The following BBX variants were observed in gnomAD, a reference collection of about 807,000 sequenced individuals.
BBX encodes BBX high mobility group box domain containing, also known as HMG box transcription factor BBX.
A neutral mutation model predicts 100.2 loss-of-function variants in BBX; 30 were observed. The observed-to-expected ratio is 0.30, with a 90% CI of 0.22 to 0.41. BBX has a LOEUF of 0.41. Among genes scored for constraint, BBX ranks in the 10% least tolerant of loss-of-function variants. BBX has a pLI of 1.00. For missense variants in BBX, 1,023 were observed against 1,129.8 expected (o/e 0.91, Z 1.35); for synonymous variants, 376 against 388.1 (o/e 0.97, Z 0.37).
chr3:107,782,017 T>C (rs1167938547), intron 13 of BBX, among the ~76,000 whole-genome samples: 1 of 152,136 alleles, frequency 6.6e-6, no homozygotes, highest in Non-Finnish European at 1.5e-5. Flanking sequence ...TATTAGGAAA[T>C]TTTAGCTTCC....
At chr3:107,667,081 C>G (rs2058791476) in intron 3 of BBX, among the ~76,000 whole-genome samples, 1 of 152,192 alleles carries the variant, frequency 6.6e-6, no homozygotes, top group Non-Finnish European at 1.5e-5. Context: ...TTCAGAGAAG[C>G]AGTTAATACC....
intron 1 of BBX, 121 bp from the exon 2 acceptor site, chr3:107,526,206 T>G (rs1576165832): frequency 2.5e-6 from 1 of 395,642 alleles, no homozygotes; most frequent in Non-Finnish European, 4.4e-6. Context: ...AGGGGAGGGG[T>G]TAGTGGGAGC....
chr3:107,627,963 A>G (rs1576067860), intron 2 of BBX, among the ~76,000 whole-genome samples: 1 of 152,176 alleles, frequency 6.6e-6, no homozygotes, highest in South Asian at 2.1e-4. Flanking sequence ...GAACTATAAT[A>G]CTGGAAAATG....
rs532338976 is a variant in BBX at position 107,678,789 on chromosome 3, A to G, written c.-9-31663A>G. On this transcript the variant is annotated intron_variant, in intron 3 of 17. Coordinates refer to ENST00000325805, the MANE Select transcript of BBX (RefSeq NM_001142568.3). ...AAGTTGACTTGAATGTTTATAGTCC[A>G]TGATTAATTATGATGATAATGATAG... 3.9e-5 allele frequency among the ~76,000 whole-genome samples: 6 copies of G among 152,298 alleles called. No homozygotes were observed. The East Asian group carries it at 1.2e-3, about 29-fold the overall frequency.
chr3:107,723,842 G>C (rs1224911689), intron 5 of BBX, among the ~76,000 whole-genome samples: 2 of 152,084 alleles, frequency 1.3e-5, no homozygotes, highest in African/African-American at 4.8e-5. Flanking sequence ...CCAAGTCTTT[G>C]CTATTGTGAG....
intron 3 of BBX, among the ~76,000 whole-genome samples, chr3:107,663,340 T>G (rs1414350876): frequency 6.6e-6 from 1 of 152,176 alleles, no homozygotes; most frequent in African/African-American, 2.4e-5. Flanking sequence ...TGATAATTTT[T>G]TTTGCTACCC....
At chr3:107,583,970 A>T (rs2052496608) in intron 2 of BBX, among the ~76,000 whole-genome samples, 1 of 89,288 alleles carries the variant, frequency 1.1e-5, no homozygotes, top group South Asian at 2.5e-4. Flanking sequence ...TATATTATAT[A>T]TATTATTATA....
chr3:107,539,771 G>T (rs1401281377), intron 2 of BBX, among the ~76,000 whole-genome samples: 1 of 152,148 alleles, frequency 6.6e-6, no homozygotes, highest in Non-Finnish European at 1.5e-5. Context: ...ATATTTTCCT[G>T]TCACTCACTC....
intron 3 of BBX, among the ~76,000 whole-genome samples, chr3:107,708,636 T>C (rs998029292): frequency 7.0e-6 from 1 of 143,658 alleles, no homozygotes; most frequent in East Asian, 2.0e-4. Flanking sequence ...ATCGCACCAC[T>C]GCACTCCAAC....
rs2065418261 is a variant in BBX, at chr3:107,755,675, A to G, written c.903A>G (p.Ala301=). The part of the protein sequence containing the change: ...RCGKSALFQL[A]EMCLASEGMK... ...GAAAGTCTGCACTCTTTCAACTGGC[A>G]GAGGCAAGTTCCTAAGAATATATTG... The change falls in exon 10 of 18, where the codon GCA becomes GCG. Residue 301 remains alanine, a synonymous_variant. Coordinates refer to ENST00000325805, the MANE Select transcript of BBX (RefSeq NM_001142568.3). 6.2e-7 allele frequency: 1 copy of G among 1,612,604 alleles called. No homozygotes were observed. The highest frequency in any genetic ancestry group is 8.5e-7 in the Non-Finnish European group (1 of 1,178,648).
At chr3:107,562,094 T>G (rs772645998) in intron 2 of BBX, among the ~76,000 whole-genome samples, 4 of 152,216 alleles carry the variant, frequency 2.6e-5, no homozygotes, top group Non-Finnish European at 1.5e-5. Context: ...CACATTTCCA[T>G]GCACTAAGCC....
At chr3:107,547,015 A>G (rs971500937) in intron 2 of BBX, among the ~76,000 whole-genome samples, 1 of 152,194 alleles carries the variant, frequency 6.6e-6, no homozygotes, top group Non-Finnish European at 1.5e-5. Context: ...AGTTTGAAAG[A>G]TTAATCAATG....
At chr3:107,675,603 C>T (rs1027697244) in intron 3 of BBX, among the ~76,000 whole-genome samples, 4 of 152,078 alleles carry the variant, frequency 2.6e-5, no homozygotes, top group Non-Finnish European at 4.4e-5. Flanking sequence ...GCAGCAGTTC[C>T]CTCATGGACC....
chr3:107,716,348 A>G, intron 4 of BBX: 1 of 373,006 alleles, frequency 2.7e-6, no homozygotes, highest in South Asian at 4.4e-5. Context: ...AAAAAATGTA[A>G]GCAATTATAA....
chr3:107,728,547 A>C (rs1445912618), intron 5 of BBX, among the ~76,000 whole-genome samples: 1 of 152,202 alleles, frequency 6.6e-6, no homozygotes, highest in Non-Finnish European at 1.5e-5. Flanking sequence ...CAAAGTATAC[A>C]GCTTCTGAAT....
intron 2 of BBX, among the ~76,000 whole-genome samples, chr3:107,625,763 A>C (rs572962516): frequency 6.6e-6 from 1 of 152,254 alleles, no homozygotes; most frequent in Admixed American, 6.5e-5. Flanking sequence ...AGGTGCCTTC[A>C]TCTAGGTCCC....
intron 6 of BBX, among the ~76,000 whole-genome samples, chr3:107,731,484 A>G (rs9862385): frequency 0.13 from 19,691 of 152,162 alleles, 1,572 homozygotes; most frequent in Non-Finnish European, 0.18. Flanking sequence ...TCTTAAACTT[A>G]GCATTTAGTT....
intron 10 of BBX, among the ~76,000 whole-genome samples, chr3:107,763,230 T>C (rs1432592916): frequency 2.6e-5 from 4 of 150,978 alleles, no homozygotes; most frequent in Non-Finnish European, 5.9e-5. Flanking sequence ...TATTACCTTT[T>C]TTTTTTTTTT....
chr3:107,572,182 A>C (rs2107520820), intron 2 of BBX, among the ~76,000 whole-genome samples: 1 of 152,292 alleles, frequency 6.6e-6, no homozygotes, highest in East Asian at 1.9e-4. Context: ...TCTGAGCAGA[A>C]CCACTGTGTG....
Sources: gnomAD v4.1 joint callset for allele counts (sites outside exome capture counted in the v4.1 genomes callset) on GRCh38, gnomAD v4.1.1 for gene constraint, MANE v1.5 for transcripts, NCBI Gene and HGNC (gene_info 2026-07-23, HGNC 2026-07-21) for gene names.